The following SSH2 variants were observed in gnomAD, a reference collection of about 807,000 sequenced individuals.
The protein encoded by SSH2 is protein phosphatase Slingshot homolog 2.
A neutral mutation model predicts 135.2 loss-of-function variants in SSH2; 37 were observed. That is an observed-to-expected ratio of 0.27 (90% confidence interval 0.21 to 0.36). The LOEUF (loss-of-function observed/expected upper bound fraction) is 0.36, where lower values mean the gene tolerates loss of function less well. Among genes scored for constraint, SSH2 ranks in the 10% least tolerant of loss-of-function variants. The pLI is 1.00. For missense variants in SSH2, 1,408 were observed against 1,765.3 expected, an observed-to-expected ratio of 0.80 and a Z score of 3.63; for synonymous variants, 628 against 646.2, an observed-to-expected ratio of 0.97 and a Z score of 0.43.
At chr17:29,885,696 A>G (rs1368840226) in intron 1 of SSH2, among the ~76,000 whole-genome samples, 1 of 152,108 alleles carries the variant, frequency 6.6e-6, no homozygotes, top group Non-Finnish European at 1.5e-5. Context: ...TAATTCCCAC[A>G]TGTGATGGGA....
chr17:29,674,798 A>G (rs935209248), intron 8 of SSH2, among the ~76,000 whole-genome samples: 1 of 152,208 alleles, frequency 6.6e-6, no homozygotes, highest in Non-Finnish European at 1.5e-5. Context: ...ATGCAAAAAA[A>G]TCTCATCATA....
intron 14 of SSH2, chr17:29,645,823 A>G (rs2036347048): frequency 6.6e-6 from 1 of 152,210 alleles, no homozygotes; most frequent in South Asian, 2.1e-4. Context: ...ATCATGCCAA[A>G]TGTTGAGTAA....
At chr17:29,738,133 T>A (rs923568937) in intron 3 of SSH2, among the ~76,000 whole-genome samples, 3 of 152,214 alleles carry the variant, frequency 2.0e-5, no homozygotes, top group African/African-American at 7.2e-5. Flanking sequence ...TGTGTCCAAG[T>A]GTTCTCATTG....
Position 29,702,826 on chromosome 17 carries a change from A to T in SSH2, c.292+133T>A, listed in dbSNP as rs529444087. 19 of 729,624 alleles carry T rather than the reference A, an allele frequency of 2.6e-5. No individual in the cohort carries two copies. The East Asian group carries it at 4.9e-4, about 19-fold the overall frequency. 45.2% of individuals were successfully genotyped at this position (729,624 alleles called of 1,614,324 possible). The stretch of plus-strand genomic sequence containing the variant: ...AAATTGGTCTGTGAGGGTAAAAGTC[A>T]TTACGGCCCTGTACAATGCTTTCTT... On this transcript the variant is annotated intron_variant, in intron 4 of 15. Coordinates refer to ENST00000540801, the MANE Select transcript of SSH2 (RefSeq NM_001282129.2).
At chr17:29,761,337 C>A in intron 3 of SSH2, 1 of 1,097,600 alleles carries the variant, frequency 9.1e-7, no homozygotes, top group Non-Finnish European at 1.1e-6. Flanking sequence ...CGGCACGAGG[C>A]GCAGGCTGCG....
intron 1 of SSH2, among the ~76,000 whole-genome samples, chr17:29,851,396 G>A (rs2065556391): frequency 6.6e-6 from 1 of 151,916 alleles, no homozygotes; most frequent in African/African-American, 2.4e-5. Context: ...TTCAAGACCG[G>A]CCTGGCCAAT....
At chr17:29,665,176 T>C (rs1395859423) in intron 11 of SSH2, among the ~76,000 whole-genome samples, 1 of 152,194 alleles carries the variant, frequency 6.6e-6, no homozygotes, top group Non-Finnish European at 1.5e-5. Flanking sequence ...AAGAGCAGGA[T>C]ATATCTGAAT....
chr17:29,689,874 C>T lies in SSH2; in HGVS notation c.358-5190G>A, dbSNP rs1216498292. Among the ~76,000 whole-genome samples, 4 of 151,844 alleles carry T rather than the reference C, an allele frequency of 2.6e-5. No individual in the cohort carries two copies. The East Asian group carries it at 5.8e-4, about 22-fold the overall frequency. Reference sequence around the variant, plus strand: ...ACTAAAAATACAAAAATTAGCAGGGCATCATGGCATGTACCTGTAATCCCA... The same window carrying T: ...ACTAAAAATACAAAAATTAGCAGGGTATCATGGCATGTACCTGTAATCCCA... On this transcript the variant is annotated intron_variant, in intron 5 of 15. Coordinates refer to ENST00000540801, the MANE Select transcript of SSH2 (RefSeq NM_001282129.2).
At chr17:29,716,650 A>G (rs1226947426) in intron 3 of SSH2, 5 of 655,976 alleles carry the variant, frequency 7.6e-6, no homozygotes, top group African/African-American at 1.8e-5. Flanking sequence ...TAGAGAACAT[A>G]TATCGGGTGC....
chr17:29,791,917 CTTT>C (rs36064413), intron 3 of SSH2, among the ~76,000 whole-genome samples: 4 of 128,326 alleles, frequency 3.1e-5, no homozygotes, highest in Admixed American at 8.0e-5. Flanking sequence ...TCTTCTTCCT[CTTT>C]TTTTTTTTTT....
intron 1 of SSH2, among the ~76,000 whole-genome samples, chr17:29,897,595 G>A (rs556063606): frequency 1.3e-5 from 2 of 152,242 alleles, no homozygotes; most frequent in South Asian, 4.2e-4. Flanking sequence ...AAATATATAT[G>A]CACCCAATAC....
Position 29,631,348 on chromosome 17 carries a change from C to T in SSH2, c.3846G>A (p.Arg1282=). 6.2e-7 allele frequency: 1 copy of T among 1,614,114 alleles called. No homozygotes were observed. Among genetic ancestry groups the T allele is most frequent in the Admixed American group, 1.7e-5 (1 of 60,006 alleles). ...QAGLTKPSQM[R]RSASLAKLGY... ...CTAATTTGGCGAGAGAAGCTGAGCG[C>T]CTCATTTGGGATGGTTTGGTGAGCC... Residue 1282 remains arginine, a synonymous_variant, in exon 16 of 16, where the codon AGG becomes AGA. Coordinates refer to ENST00000540801, the MANE Select transcript of SSH2 (RefSeq NM_001282129.2).
At chr17:29,651,031 C>A (rs1266929449) in intron 12 of SSH2, among the ~76,000 whole-genome samples, 1 of 152,178 alleles carries the variant, frequency 6.6e-6, no homozygotes, top group Non-Finnish European at 1.5e-5. Flanking sequence ...AAGTTATTCA[C>A]CATGTTCAAC....
intron 2 of SSH2, among the ~76,000 whole-genome samples, chr17:29,801,012 T>A (rs1352694182): frequency 6.6e-6 from 1 of 151,884 alleles, no homozygotes; most frequent in Non-Finnish European, 1.5e-5. Context: ...ATTACAGGTG[T>A]CTGCCACCAC....
At chr17:29,919,943 CTT>C (rs1183996052) in intron 1 of SSH2, among the ~76,000 whole-genome samples, 2 of 152,114 alleles carry the variant, frequency 1.3e-5, no homozygotes, top group African/African-American at 4.8e-5. Flanking sequence ...GAGTTTCCCT[CTT>C]GTTGCCCAGG....
intron 3 of SSH2, among the ~76,000 whole-genome samples, chr17:29,742,492 T>TG (rs1346413655): frequency 4.8e-5 from 7 of 146,718 alleles, no homozygotes; most frequent in Non-Finnish European, 9.0e-5. Flanking sequence ...TTTTTTTTTT[T>TG]TTTTTTTTCT....
At position 29,627,733 on chromosome 17, in the gene SSH2, T is replaced by C. The variant is rs2035540128; in HGVS notation, c.*3108A>G. On this transcript the variant is annotated 3_prime_UTR_variant, in exon 16 of 16. Coordinates refer to ENST00000540801, the MANE Select transcript of SSH2 (RefSeq NM_001282129.2). ...ACTACATGTCTACTACAGTATCCAT[T>C]AGTCCTGGGTGTCTCCAAAAATCAA... The C allele has an allele frequency of 1.3e-5, 2 of 152,610 alleles. No individual in the cohort carries two copies. Among genetic ancestry groups the C allele is most frequent in the Admixed American group, 6.5e-5 (1 of 15,276 alleles). 9.5% of individuals were successfully genotyped at this position (152,610 alleles called of 1,614,324 possible).
Position 29,876,552 on chromosome 17 carries a change from A to T in SSH2, c.64-27623T>A, listed in dbSNP as rs1043803452. On this transcript the variant is annotated intron_variant, in intron 1 of 15. Coordinates refer to ENST00000540801, the MANE Select transcript of SSH2 (RefSeq NM_001282129.2). ...TGCTGTGCAAAAGCTTTTTACCTTGATGTGATCCCATTTGTCCATTTTTGC... is the reference window on the plus strand; with the variant it reads ...TGCTGTGCAAAAGCTTTTTACCTTGTTGTGATCCCATTTGTCCATTTTTGC... Among the ~76,000 whole-genome samples, 20 of 151,688 alleles carry T rather than the reference A, an allele frequency of 1.3e-4. 1 individual carries two copies. The highest frequency in any genetic ancestry group is 5.9e-4 in the Admixed American group (9 of 15,222).
chr17:29,834,592 T>C (rs1335866419), intron 2 of SSH2, among the ~76,000 whole-genome samples: 2 of 152,184 alleles, frequency 1.3e-5, no homozygotes, highest in African/African-American at 4.8e-5. Flanking sequence ...TTTGACTTTA[T>C]GTACTTGAAT....
Sources: allele counts gnomAD v4.1 joint callset (sites outside exome capture counted in the v4.1 genomes callset), GRCh38; gene constraint gnomAD v4.1.1; transcripts MANE v1.5; gene names NCBI Gene and HGNC (gene_info 2026-07-23, HGNC 2026-07-21).